The following ITGB6 variants were observed in gnomAD, a reference collection of about 807,000 sequenced individuals.
The protein encoded by ITGB6 is integrin beta-6.
Under a neutral mutation model 84.5 loss-of-function variants are expected in ITGB6, and 80 were observed. The ratio of observed to expected loss-of-function variants is 0.95; its 90% CI spans 0.79 to 1.14. ITGB6 has a LOEUF of 1.14. Ranked by LOEUF, ITGB6 falls within the 50% of genes most tolerant of loss-of-function variation. The pLI, the probability that ITGB6 is intolerant of heterozygous loss-of-function variation, is 0.00. For missense variants in ITGB6, 1,006 were observed against 968.0 expected, an observed-to-expected ratio of 1.04 and a Z score of -0.52; for synonymous variants, 383 against 354.9, an observed-to-expected ratio of 1.08 and a Z score of -0.89.
At chr2:160,169,654 A>G (rs1376862240) in intron 6 of ITGB6, among the ~76,000 whole-genome samples, 2 of 152,196 alleles carry the variant, frequency 1.3e-5, no homozygotes, top group East Asian at 3.9e-4. Flanking sequence ...TCTAAGTGAC[A>G]CTTACCAGCA....
At position 160,170,232 on chromosome 2, in the gene ITGB6, T is replaced by G. The variant is rs550797574; in HGVS notation, c.922-925A>C. On this transcript the variant is annotated intron_variant, in intron 6 of 14. Coordinates refer to ENST00000283249, the MANE Select transcript of ITGB6 (RefSeq NM_000888.5). ...CCCTCCTGTACACTCATATGGAATA[T>G]TCACATATTCTTAGTACTACTGGAG... 1.4e-4 allele frequency among the ~76,000 whole-genome samples: 22 copies of G among 152,314 alleles called. No individual in the cohort carries two copies. The South Asian group carries it at 4.6e-3, about 32-fold the overall frequency.
chr2:160,192,005 C>T (rs1216090400), intron 4 of ITGB6, among the ~76,000 whole-genome samples: 1 of 152,080 alleles, frequency 6.6e-6, no homozygotes, highest in Non-Finnish European at 1.5e-5. Flanking sequence ...AGATATATGT[C>T]ATGTAAAATG....
chr2:160,125,794 A>G (rs1305922563), intron 11 of ITGB6, among the ~76,000 whole-genome samples: 1 of 121,860 alleles, frequency 8.2e-6, no homozygotes, highest in Non-Finnish European at 1.8e-5. Flanking sequence ...CATTGTTGTT[A>G]TTGTGCATAT....
At chr2:160,124,676 C>G (rs1683167003) in intron 11 of ITGB6, among the ~76,000 whole-genome samples, 1 of 152,208 alleles carries the variant, frequency 6.6e-6, no homozygotes, top group Non-Finnish European at 1.5e-5. Context: ...CATGCTGTCT[C>G]TGTCTCCTCT....
chr2:160,196,247 C>T lies in ITGB6; in HGVS notation c.315G>A (p.Ala105=), dbSNP rs140575384. 2.1e-5 allele frequency: 34 copies of T among 1,613,928 alleles called. No homozygotes were observed. The highest frequency in any genetic ancestry group is 1.5e-4 in the African/African-American group (11 of 75,020). ...TCAACTTAAGGATCAAGCTTTGAGGCGCAATCTGAACAATGTCAGAACTAT... is the reference window on the plus strand; with the variant it reads ...TCAACTTAAGGATCAAGCTTTGAGGTGCAATCTGAACAATGTCAGAACTAT... ...QKNSSDIVQI[A]PQSLILKLRP... is the part of the protein sequence containing the mutation. Residue 105 remains alanine, a synonymous_variant, in exon 3 of 15, where the codon GCG becomes GCA. Coordinates refer to ENST00000283249, the MANE Select transcript of ITGB6 (RefSeq NM_000888.5).
chr2:160,132,649 T>A (rs1248281299), intron 10 of ITGB6, among the ~76,000 whole-genome samples: 1 of 152,136 alleles, frequency 6.6e-6, no homozygotes. Flanking sequence ...TTTCAATCTA[T>A]AAGACAAATT....
At chr2:160,188,597 CATTCA>C (rs1033107206) in intron 4 of ITGB6, among the ~76,000 whole-genome samples, 1 of 151,452 alleles carries the variant, frequency 6.6e-6, no homozygotes, top group African/African-American at 2.4e-5. Flanking sequence ...ATCGTTAACT[CATTCA>C]ATTCTTTTTT....
chr2:160,196,084 A>T, intron 3 of ITGB6, 132 bp downstream of exon 3: 1 of 787,984 alleles, frequency 1.3e-6, no homozygotes, highest in Non-Finnish European at 2.0e-6. Context: ...ATAATTTTCT[A>T]TTTCCTTAAG....
At chr2:160,166,284 T>C (rs1208741985) in intron 7 of ITGB6, among the ~76,000 whole-genome samples, 1 of 152,212 alleles carries the variant, frequency 6.6e-6, no homozygotes, top group Non-Finnish European at 1.5e-5. Flanking sequence ...TTCCAATTGC[T>C]GTGTTTCAGC....
intron 7 of ITGB6, among the ~76,000 whole-genome samples, chr2:160,165,181 G>T (rs1056096762): frequency 2.0e-5 from 3 of 152,184 alleles, no homozygotes; most frequent in Non-Finnish European, 2.9e-5. Context: ...CTCCACTACA[G>T]AATGAGATTG....
chr2:160,143,086 G>C (rs114018573), intron 7 of ITGB6, among the ~76,000 whole-genome samples: 1 of 152,020 alleles, frequency 6.6e-6, no homozygotes, highest in African/African-American at 2.4e-5. Context: ...TCAGGAGTTC[G>C]AGACCAGCCT....
At chr2:160,196,971 T>C (rs1459565991) in intron 2 of ITGB6, among the ~76,000 whole-genome samples, 1 of 152,102 alleles carries the variant, frequency 6.6e-6, no homozygotes, top group East Asian at 1.9e-4. Flanking sequence ...ATCTCCCCCA[T>C]CTAGCACTCT....
chr2:160,162,438 A>G (rs1684856363), intron 7 of ITGB6, among the ~76,000 whole-genome samples: 1 of 152,090 alleles, frequency 6.6e-6, no homozygotes, highest in South Asian at 2.1e-4. Flanking sequence ...AGAATGACAA[A>G]CACTAAGTTC....
intron 4 of ITGB6, among the ~76,000 whole-genome samples, chr2:160,191,375 C>T (rs7606596): frequency 0.044 from 6,657 of 152,144 alleles, 457 homozygotes; most frequent in African/African-American, 0.15. Context: ...TAACTGTGGT[C>T]ATGTAACTAA....
At chr2:160,146,584 C>T (rs979170970) in intron 7 of ITGB6, among the ~76,000 whole-genome samples, 2 of 152,132 alleles carry the variant, frequency 1.3e-5, no homozygotes, top group African/African-American at 4.8e-5. Flanking sequence ...AATCTGCTCA[C>T]AAATTTCTCT....
At chr2:160,177,730 A>G (rs1685485538) in intron 4 of ITGB6, among the ~76,000 whole-genome samples, 1 of 152,234 alleles carries the variant, frequency 6.6e-6, no homozygotes, top group African/African-American at 2.4e-5. Context: ...AAAGTGTGAT[A>G]TAAGAAAGGA....
At chr2:160,128,842 G>A (rs538636703) in intron 10 of ITGB6, among the ~76,000 whole-genome samples, 4 of 152,224 alleles carry the variant, frequency 2.6e-5, no homozygotes, top group African/African-American at 4.8e-5. Context: ...GCTTTGGGTG[G>A]GGAAGATGAT....
chr2:160,173,799 A>G (rs529630214), intron 5 of ITGB6, among the ~76,000 whole-genome samples, 175 bp downstream of exon 5: 1 of 152,344 alleles, frequency 6.6e-6, no homozygotes, highest in Admixed American at 6.5e-5. Flanking sequence ...GACAGTCCCC[A>G]TTTCAACATG....
chr2:160,122,781 AAGT>A (rs1454152847), intron 12 of ITGB6, among the ~76,000 whole-genome samples: 15 of 152,364 alleles, frequency 9.8e-5, no homozygotes, highest in African/African-American at 3.4e-4. Context: ...CAGACAATGT[AAGT>A]AGTCTTCAAA....
Sources: allele counts gnomAD v4.1 joint callset (sites outside exome capture counted in the v4.1 genomes callset), GRCh38; gene constraint gnomAD v4.1.1; transcripts MANE v1.5; gene names NCBI Gene and HGNC (gene_info 2026-07-23, HGNC 2026-07-21).